MAD1L1: variants seen among roughly 807,000 people sequenced by gnomAD.
MAD1L1 encodes mitotic spindle assembly checkpoint protein MAD1.
Under a neutral mutation model 96.9 loss-of-function variants are expected in MAD1L1, and 95 were observed. That is an observed-to-expected ratio of 0.98 (90% CI 0.83 to 1.16). The LOEUF (loss-of-function observed/expected upper bound fraction) is 1.16. MAD1L1 is among the 50% of genes most tolerant of loss of function. The pLI is 0.00. For synonymous variants in MAD1L1, 473 were observed against 396.6 expected (o/e 1.19, Z -2.29); for missense variants, 1,007 against 954.4 (o/e 1.06, Z -0.73).
At chr7:2,043,315 G>T (rs1436855691) in intron 12 of MAD1L1, among the ~76,000 whole-genome samples, 1 of 152,206 alleles carries the variant, frequency 6.6e-6, no homozygotes, top group Non-Finnish European at 1.5e-5. Context: ...TCCTGACAGC[G>T]CAGTGCAGTG....
chr7:1,841,668 CCAGTCCGGCCT>C (rs1023028228), intron 18 of MAD1L1, among the ~76,000 whole-genome samples: 4 of 152,210 alleles, frequency 2.6e-5, no homozygotes, highest in Admixed American at 2.0e-4. Context: ...ACCCAAGGGG[CCAGTCCGGCCT>C]TCCCGGACCA....
chr7:2,047,097 C>T (rs768259132), intron 12 of MAD1L1, among the ~76,000 whole-genome samples: 4 of 152,206 alleles, frequency 2.6e-5, no homozygotes, highest in South Asian at 2.1e-4. Context: ...AAACAGTCTT[C>T]GGCTAAGGCC....
intron 10 of MAD1L1, among the ~76,000 whole-genome samples, chr7:2,205,051 C>T (rs1277585230): frequency 1.3e-5 from 2 of 149,548 alleles, no homozygotes; most frequent in Non-Finnish European, 3.0e-5. Flanking sequence ...ACATTACTGA[C>T]TCCACCTTGC....
At chr7:1,950,755 G>C (rs1779455876) in intron 16 of MAD1L1, among the ~76,000 whole-genome samples, 1 of 152,238 alleles carries the variant, frequency 6.6e-6, no homozygotes, top group South Asian at 2.1e-4. Flanking sequence ...CGTTGGCAAA[G>C]CTCAGCATGG....
At position 2,216,260 on chromosome 7, in the gene MAD1L1, C is replaced by A; in HGVS notation, c.706G>T (p.Glu236Ter). 1 of 1,614,122 alleles carries A rather than the reference C, an allele frequency of 6.2e-7. No homozygotes were observed. The highest frequency in any genetic ancestry group is 8.5e-7 in the Non-Finnish European group (1 of 1,180,030). ...TTCTTCACAATCGCTGCATCCTGCT[C>A]TTGCAGGGACAGCTTCTGCTCCAGA... ...KDLEQKLSLQ[E>*]QDAAIVKNMK... Residue 236 changes from glutamate (E) to a stop codon, truncating the protein, a stop_gained, in exon 8 of 19, where the codon GAG becomes TAG. Transcript: ENST00000265854. LOFTEE classifies it high-confidence loss of function.
At chr7:1,830,082 G>T (rs1468139875) in intron 18 of MAD1L1, among the ~76,000 whole-genome samples, 1 of 152,158 alleles carries the variant, frequency 6.6e-6, no homozygotes, top group African/African-American at 2.4e-5. Context: ...CAGACAGAAG[G>T]AAAATGAGGA....
Position 1,922,840 on chromosome 7 carries a change from C to T in MAD1L1, c.1807+13847G>A, listed in dbSNP as rs145635987. On this transcript the variant is annotated intron_variant, in intron 17 of 18. Transcript: ENST00000265854. Reference sequence around the variant, plus strand: ...TTCCCCATGAACGTGTGTTGGGCCTCGCTGACTGCATTTGTGCATCCGTTG... The same window carrying T: ...TTCCCCATGAACGTGTGTTGGGCCTTGCTGACTGCATTTGTGCATCCGTTG... Among the ~76,000 whole-genome samples, 1,467 of 152,348 alleles carry T rather than the reference C, an allele frequency of 9.6e-3. 32 individuals are homozygous for T. Among genetic ancestry groups the T allele is most frequent in the Middle Eastern group, 0.024 (7 of 294 alleles).
intron 11 of MAD1L1, among the ~76,000 whole-genome samples, chr7:2,104,480 G>C (rs1332452227): frequency 1.3e-5 from 2 of 152,224 alleles, no homozygotes; most frequent in African/African-American, 4.8e-5. Context: ...GGGGGCGGCT[G>C]CGGCACCTGG....
intron 10 of MAD1L1, among the ~76,000 whole-genome samples, chr7:2,188,115 T>C (rs1357097310): frequency 6.6e-6 from 1 of 152,236 alleles, no homozygotes; most frequent in Non-Finnish European, 1.5e-5. Context: ...TGTATGATGT[T>C]ACATAACCAT....
At chr7:1,915,428 T>A (rs1788319268) in intron 17 of MAD1L1, among the ~76,000 whole-genome samples, 1 of 152,078 alleles carries the variant, frequency 6.6e-6, no homozygotes, top group African/African-American at 2.4e-5. Flanking sequence ...GACAGAAAGC[T>A]GCAGGGCCAG....
chr7:2,022,113 G>A (rs1433000586), intron 12 of MAD1L1, among the ~76,000 whole-genome samples: 1 of 152,052 alleles, frequency 6.6e-6, no homozygotes, highest in Non-Finnish European at 1.5e-5. Context: ...GAGCCGCTGA[G>A]CCTAGCTTAC....
At position 1,815,882 on chromosome 7, in the gene MAD1L1, T is replaced by A. The variant is rs1781766962; in HGVS notation, c.*188A>T. The A allele has an allele frequency of 3.2e-6, 2 of 632,464 alleles. No homozygotes were observed. 39.2% of individuals were successfully genotyped at this position (632,464 alleles called of 1,614,324 possible). On this transcript the variant is annotated 3_prime_UTR_variant, in exon 19 of 19. Coordinates refer to ENST00000265854, the MANE Select transcript of MAD1L1 (RefSeq NM_001013836.2). ...ACCAGGCTCCGGGACGCATGGGGTCTGCACGTGGAGAGGGTGCTGGCCGCC... is the reference window on the plus strand; with the variant it reads ...ACCAGGCTCCGGGACGCATGGGGTCAGCACGTGGAGAGGGTGCTGGCCGCC...
intron 12 of MAD1L1, among the ~76,000 whole-genome samples, chr7:2,065,306 C>G (rs919530781): frequency 6.6e-6 from 1 of 152,224 alleles, no homozygotes; most frequent in African/African-American, 2.4e-5. Context: ...GCTCTCCACA[C>G]TCTCCCATCA....
At chr7:2,207,795 T>C (rs1792678493) in intron 10 of MAD1L1, among the ~76,000 whole-genome samples, 1 of 151,916 alleles carries the variant, frequency 6.6e-6, no homozygotes, top group South Asian at 2.1e-4. Context: ...CTGATGTCAG[T>C]GAAAGAGGAA....
chr7:2,022,763 C>T (rs144034100), intron 12 of MAD1L1, among the ~76,000 whole-genome samples: 460 of 152,036 alleles, frequency 3.0e-3, no homozygotes, highest in Admixed American at 8.6e-3. Flanking sequence ...AATTAAAAGA[C>T]GGTCAGGATG....
intron 11 of MAD1L1, among the ~76,000 whole-genome samples, chr7:2,075,124 G>A (rs1159911913): frequency 6.6e-6 from 1 of 152,160 alleles, no homozygotes; most frequent in Non-Finnish European, 1.5e-5. Context: ...GGAGGGGAAG[G>A]TCCAGCAGAG....
chr7:1,866,616 G>T (rs147207290), intron 18 of MAD1L1, among the ~76,000 whole-genome samples: 1 of 152,350 alleles, frequency 6.6e-6, no homozygotes, highest in Non-Finnish European at 1.5e-5. Context: ...GGAGGCTGCG[G>T]ACAGGCAGGC....
intron 18 of MAD1L1, among the ~76,000 whole-genome samples, chr7:1,886,014 C>T (rs1008204608): frequency 1.3e-5 from 2 of 152,274 alleles, no homozygotes; most frequent in African/African-American, 2.4e-5. Context: ...GCCTCCACCC[C>T]ACGACCGCCC....
intron 18 of MAD1L1, among the ~76,000 whole-genome samples, chr7:1,837,611 A>C (rs756196695): frequency 3.9e-5 from 6 of 152,238 alleles, no homozygotes; most frequent in Non-Finnish European, 5.9e-5. Flanking sequence ...AAAGGGATAA[A>C]CTGTTGATAC....
Sources: allele counts gnomAD v4.1 joint callset (sites outside exome capture counted in the v4.1 genomes callset), GRCh38; gene constraint gnomAD v4.1.1; transcripts MANE v1.5; gene names NCBI Gene and HGNC (gene_info 2026-07-23, HGNC 2026-07-21).